The following ULK4 variants were observed in gnomAD, a reference collection of about 807,000 sequenced individuals.
The protein encoded by ULK4 is unc-51 like kinase 4.
ULK4 carries 133 observed loss-of-function variants against 160.6 expected under a neutral mutation model. The ratio of observed to expected loss-of-function variants is 0.83; its 90% CI spans 0.72 to 0.96. ULK4 has a LOEUF of 0.96. Among genes scored for constraint, ULK4 ranks in the 40% least tolerant of loss-of-function variants. ULK4 has a pLI of 0.00. For synonymous variants in ULK4, 534 were observed against 539.8 expected (o/e 0.99, Z 0.15); for missense variants, 1,580 against 1,499.5 (o/e 1.05, Z -0.89).
intron 31 of ULK4, among the ~76,000 whole-genome samples, chr3:41,589,255 G>A (rs2031071949): frequency 1.3e-5 from 2 of 152,006 alleles, no homozygotes. Flanking sequence ...AACCTATACA[G>A]AGTCCAGCAA....
intron 32 of ULK4, among the ~76,000 whole-genome samples, chr3:41,512,478 G>T (rs1382729130): frequency 6.6e-6 from 1 of 152,042 alleles, no homozygotes; most frequent in East Asian, 1.9e-4. Flanking sequence ...TATACCTACA[G>T]CAACCAAGCT....
At chr3:41,659,800 C>T (rs1483121451) in intron 30 of ULK4, among the ~76,000 whole-genome samples, 1 of 151,866 alleles carries the variant, frequency 6.6e-6, no homozygotes, top group Non-Finnish European at 1.5e-5. Flanking sequence ...TTTGCAATTA[C>T]ACAAGATTAG....
At chr3:41,496,193 A>T (rs891519298) in intron 32 of ULK4, among the ~76,000 whole-genome samples, 2 of 152,166 alleles carry the variant, frequency 1.3e-5, no homozygotes, top group Admixed American at 1.3e-4. Flanking sequence ...AGAAGGAAAT[A>T]TAAGTCACTC....
chr3:41,551,575 C>A (rs2087068786), intron 32 of ULK4, among the ~76,000 whole-genome samples: 1 of 151,614 alleles, frequency 6.6e-6, no homozygotes, highest in South Asian at 2.1e-4. Flanking sequence ...TCAGGAAAAA[C>A]AGAAAACCTA....
chr3:41,916,704 A>ATT (rs34268274), intron 7 of ULK4, among the ~76,000 whole-genome samples: 1,857 of 126,684 alleles, frequency 0.015, 86 homozygotes, highest in Admixed American at 0.078. Context: ...AGCTCCAACT[A>ATT]TTTTTTTTTT....
At chr3:41,473,661 C>CAAAAAAAAAA (rs1294599838) in intron 32 of ULK4, among the ~76,000 whole-genome samples, 7 of 25,282 alleles carry the variant, frequency 2.8e-4, no homozygotes, top group African/African-American at 5.5e-4. Flanking sequence ...GATTCTGTCT[C>CAAAAAAAAAA]AAAGAAAAAA....
intron 19 of ULK4, among the ~76,000 whole-genome samples, chr3:41,817,107 A>G (rs745314494): frequency 6.6e-6 from 1 of 151,940 alleles, no homozygotes; most frequent in Non-Finnish European, 1.5e-5. Context: ...CGCATGTGCA[A>G]TGAGGCATAT....
At chr3:41,478,297 T>A (rs940462925) in intron 32 of ULK4, among the ~76,000 whole-genome samples, 2 of 152,214 alleles carry the variant, frequency 1.3e-5, no homozygotes, top group African/African-American at 4.8e-5. Flanking sequence ...AATCACATGC[T>A]GAGACTTCTC....
intron 21 of ULK4, among the ~76,000 whole-genome samples, chr3:41,754,962 C>G (rs1249833262): frequency 1.3e-5 from 2 of 152,128 alleles, no homozygotes; most frequent in African/African-American, 4.8e-5. Flanking sequence ...AGACAATACT[C>G]AATACATGAC....
rs185836019 is a variant in ULK4 at position 41,782,235 on chromosome 3, G to T, written c.2193+7426C>A. On this transcript the variant is annotated intron_variant, in intron 21 of 36. Transcript: ENST00000301831. ...ATGCCTATTTTATGAGAGAGGGTTT[G>T]CAGAGTACCTACTCAGCCATATTAT... Among the ~76,000 whole-genome samples, 262 of 151,012 alleles carry T rather than the reference G, an allele frequency of 1.7e-3. 1 individual carries two copies. The highest frequency in any genetic ancestry group is 2.8e-3 in the Non-Finnish European group (193 of 67,904).
chr3:41,558,557 A>G (rs1690290235), intron 32 of ULK4, among the ~76,000 whole-genome samples: 1 of 151,964 alleles, frequency 6.6e-6, no homozygotes, highest in African/African-American at 2.4e-5. Context: ...TACAAAAATT[A>G]GCCGGGCATG....
At chr3:41,282,618 T>C (rs2079380845) in intron 35 of ULK4, among the ~76,000 whole-genome samples, 2 of 152,144 alleles carry the variant, frequency 1.3e-5, no homozygotes, top group African/African-American at 4.8e-5. Context: ...TGAAACTGGA[T>C]CCCTTCCTTA....
chr3:41,359,584 A>G (rs2125770889), intron 35 of ULK4, among the ~76,000 whole-genome samples: 1 of 152,342 alleles, frequency 6.6e-6, no homozygotes, highest in East Asian at 1.9e-4. Flanking sequence ...CTGATCATTC[A>G]CTAGTCACCA....
intron 35 of ULK4, among the ~76,000 whole-genome samples, chr3:41,320,778 A>G (rs1307687316): frequency 1.3e-5 from 2 of 152,212 alleles, no homozygotes; most frequent in East Asian, 1.9e-4. Context: ...TTAGCTGGGC[A>G]TGGTGGTGCG....
chr3:41,827,684 G>C (rs1423556482), intron 18 of ULK4, among the ~76,000 whole-genome samples: 1 of 152,114 alleles, frequency 6.6e-6, no homozygotes, highest in Non-Finnish European at 1.5e-5. Context: ...AAAAGTTCAG[G>C]ACTAGATGGA....
intron 30 of ULK4, among the ~76,000 whole-genome samples, chr3:41,657,243 C>T (rs142808898): frequency 9.2e-4 from 140 of 152,178 alleles, no homozygotes; most frequent in Middle Eastern, 6.8e-3. Flanking sequence ...GTTTTGAGGG[C>T]TTCCAGCAAC....
intron 35 of ULK4, among the ~76,000 whole-genome samples, chr3:41,366,319 A>C (rs1389064760): frequency 2.0e-5 from 3 of 152,222 alleles, no homozygotes; most frequent in African/African-American, 7.2e-5. Context: ...ACAACCACTT[A>C]GGTGAAATAT....
chr3:41,741,068 G>A (rs2038224818), intron 22 of ULK4, among the ~76,000 whole-genome samples: 1 of 151,774 alleles, frequency 6.6e-6, no homozygotes, highest in African/African-American at 2.4e-5. Context: ...ACTGCCTCAA[G>A]GATCCCCTTA....
At chr3:41,729,824 T>C (rs1303912443) in intron 22 of ULK4, among the ~76,000 whole-genome samples, 1 of 152,192 alleles carries the variant, frequency 6.6e-6, no homozygotes, top group East Asian at 1.9e-4. Context: ...TCACAGGCAT[T>C]GTTAATACTG....
Sources: gnomAD v4.1 joint callset for allele counts (sites outside exome capture counted in the v4.1 genomes callset) on GRCh38, gnomAD v4.1.1 for gene constraint, MANE v1.5 for transcripts, NCBI Gene and HGNC (gene_info 2026-07-23, HGNC 2026-07-21) for gene names.